PARP8: variants seen among roughly 807,000 people sequenced by gnomAD.
PARP8 encodes protein mono-ADP-ribosyltransferase PARP8.
Under a neutral mutation model 124.1 loss-of-function variants are expected in PARP8, and 51 were observed. That is an observed-to-expected ratio of 0.41 (90% CI 0.33 to 0.52). PARP8 has a LOEUF of 0.52. PARP8 is among the 20% of genes least tolerant of loss of function. The pLI is 0.21. For synonymous variants in PARP8, 391 were observed against 361.5 expected, an observed-to-expected ratio of 1.08 and a Z score of -0.93; for missense variants, 860 against 1,018.9, an observed-to-expected ratio of 0.84 and a Z score of 2.12.
At chr5:50,789,652 A>C (rs1231291460) in intron 10 of PARP8, among the ~76,000 whole-genome samples, 1 of 152,234 alleles carries the variant, frequency 6.6e-6, no homozygotes, top group African/African-American at 2.4e-5. Flanking sequence ...CGCCATGGTC[A>C]GAATATAAAC....
At chr5:50,732,216 C>T (rs574106591) in intron 2 of PARP8, among the ~76,000 whole-genome samples, 42 of 151,932 alleles carry the variant, frequency 2.8e-4, no homozygotes, top group African/African-American at 9.4e-4. Context: ...AAATACAATA[C>T]GATACATAGT....
chr5:50,834,760 A>C (rs1375433898), intron 24 of PARP8, 171 bp from the exon 25 acceptor site: 1 of 655,880 alleles, frequency 1.5e-6, no homozygotes, highest in Non-Finnish European at 2.7e-6. Flanking sequence ...ATGGTCTTTC[A>C]CTGTTTTTAT....
chr5:50,840,701 A>C (rs530365707), intron 25 of PARP8, among the ~76,000 whole-genome samples: 2 of 151,972 alleles, frequency 1.3e-5, no homozygotes, highest in East Asian at 1.9e-4. Flanking sequence ...TTCATGTATA[A>C]AACCATCATT....
chr5:50,678,271 A>G (rs1312346417), intron 2 of PARP8, among the ~76,000 whole-genome samples: 2 of 152,176 alleles, frequency 1.3e-5, no homozygotes, highest in East Asian at 1.9e-4. Flanking sequence ...CATAAAACAT[A>G]TTAAGAATTG....
rs1355662985 is a variant in PARP8 at position 50,694,379 on chromosome 5, GATTATTAATTTGCATTTATTTA to G, written c.146+26258_146+26279del. ...AATTGCATTTATTTGATATTGATTT[GATTATTAATTTGCATTTATTTA>G]ATTTGCATTTATTTGATAGTGAATT... On this transcript the variant is annotated intron_variant, in intron 2 of 25. Transcript: ENST00000281631. Among the ~76,000 whole-genome samples the G allele has an allele frequency of 1.3e-3, 204 of 151,406 alleles. 1 individual carries two copies. Among genetic ancestry groups the G allele is most frequent in the African/African-American group, 4.9e-3 (202 of 40,814 alleles).
In PARP8 at chr5:50,762,368, A is replaced by G. The variant is rs73101068; in HGVS notation, c.423+470A>G. Among the ~76,000 whole-genome samples the G allele has an allele frequency of 1.1e-3, 169 of 152,262 alleles. 2 individuals are homozygous for G. The highest frequency in any genetic ancestry group is 4.0e-3 in the African/African-American group (168 of 41,580). On this transcript the variant is annotated intron_variant, in intron 6 of 25. Transcript: ENST00000281631. ...GAATTCTTGGTGTTGAAAAATTGTT[A>G]TGAAGAATCATCATAATTTAAATAT...
At chr5:50,707,080 A>C (rs1754226756) in intron 2 of PARP8, among the ~76,000 whole-genome samples, 1 of 152,092 alleles carries the variant, frequency 6.6e-6, no homozygotes, top group Non-Finnish European at 1.5e-5. Flanking sequence ...TAGCTCACTA[A>C]ATCAATATGT....
chr5:50,797,971 C>T (rs1415816023), intron 14 of PARP8, among the ~76,000 whole-genome samples: 7 of 152,072 alleles, frequency 4.6e-5, no homozygotes, highest in Admixed American at 6.6e-5. Context: ...TCCCAATTTC[C>T]GCCTCCTGTC....
intron 2 of PARP8, among the ~76,000 whole-genome samples, chr5:50,705,420 G>A (rs1754031693): frequency 6.6e-6 from 1 of 152,162 alleles, no homozygotes; most frequent in Non-Finnish European, 1.5e-5. Flanking sequence ...TATAAACAAT[G>A]TGAAGGTGGT....
rs1456484433 is a variant in PARP8 at position 50,843,194 on chromosome 5, A to T, written c.*1126A>T. 1 of 151,846 alleles carries T rather than the reference A, an allele frequency of 6.6e-6. No individual in the cohort carries two copies. Among genetic ancestry groups the T allele is most frequent in the South Asian group, 2.1e-4 (1 of 4,826 alleles). 9.4% of individuals were successfully genotyped at this position (151,846 alleles called of 1,614,324 possible). A position where few individuals can be genotyped will look rare whatever the true frequency, so the allele number is the denominator to read the frequency against. On this transcript the variant is annotated 3_prime_UTR_variant, in exon 26 of 26. Coordinates refer to ENST00000281631, the MANE Select transcript of PARP8 (RefSeq NM_024615.4). ...TTTCCTTTTCAAGAGTCATAATTTCATCAAAATCATTTCTTATTCTTTGAG... is the reference window on the plus strand; with the variant it reads ...TTTCCTTTTCAAGAGTCATAATTTCTTCAAAATCATTTCTTATTCTTTGAG...
chr5:50,783,478 T>C (rs1287623379), intron 9 of PARP8, among the ~76,000 whole-genome samples: 4 of 152,160 alleles, frequency 2.6e-5, no homozygotes, highest in Non-Finnish European at 4.4e-5. Flanking sequence ...TGCTATAGAT[T>C]TTATTCTCTT....
chr5:50,715,917 C>G (rs940298474), intron 2 of PARP8, among the ~76,000 whole-genome samples: 1 of 151,996 alleles, frequency 6.6e-6, no homozygotes, highest in Non-Finnish European at 1.5e-5. Flanking sequence ...TATATTGGAT[C>G]CTTATTTGAA....
At position 50,735,045 on chromosome 5, in the gene PARP8, G is replaced by A. The variant is rs917880971; in HGVS notation, c.147-15106G>A. Among the ~76,000 whole-genome samples the A allele has an allele frequency of 2.6e-5, 4 of 152,124 alleles. No homozygotes were observed. In the East Asian group the frequency reaches 7.7e-4, roughly 29 times the overall value. ...AGAAATTCATCATGCGCAATGTAGG[G>A]TATGTAGTGACTGGAATAACATTTT... On this transcript the variant is annotated intron_variant, in intron 2 of 25. Transcript: ENST00000281631.
chr5:50,831,825 C>A (rs1163669742), intron 22 of PARP8, among the ~76,000 whole-genome samples: 1 of 152,088 alleles, frequency 6.6e-6, no homozygotes, highest in African/African-American at 2.4e-5. Flanking sequence ...GGAGCACTTA[C>A]CTTTCCTCAA....
At chr5:50,761,077 C>G (rs1304102350) in intron 5 of PARP8, among the ~76,000 whole-genome samples, 1 of 151,922 alleles carries the variant, frequency 6.6e-6, no homozygotes, top group Non-Finnish European at 1.5e-5. Flanking sequence ...TGTTTGTTTT[C>G]CTTAAGAACT....
intron 2 of PARP8, among the ~76,000 whole-genome samples, chr5:50,721,067 C>A (rs1192876549): frequency 6.6e-6 from 1 of 151,516 alleles, no homozygotes; most frequent in Non-Finnish European, 1.5e-5. Flanking sequence ...ATCTAATGAT[C>A]CAATTAAAAT....
At chr5:50,818,176 G>GC (rs60341773) in intron 15 of PARP8, among the ~76,000 whole-genome samples, 2,921 of 105,550 alleles carry the variant, frequency 0.028, 48 homozygotes, top group Non-Finnish European at 0.041. Context: ...ATATCATTTA[G>GC]CCCCCCCCCC....
At chr5:50,737,903 C>A (rs1469919199) in intron 2 of PARP8, among the ~76,000 whole-genome samples, 1 of 152,116 alleles carries the variant, frequency 6.6e-6, no homozygotes, top group Non-Finnish European at 1.5e-5. Context: ...CAAAATATGT[C>A]ATCAAAATAT....
At chr5:50,822,782 C>A (rs897093233) in intron 17 of PARP8, among the ~76,000 whole-genome samples, 4 of 152,152 alleles carry the variant, frequency 2.6e-5, no homozygotes, top group African/African-American at 7.2e-5. Flanking sequence ...TAAAATGGAA[C>A]TTTTCCATAA....
Sources: allele counts gnomAD v4.1 joint callset (sites outside exome capture counted in the v4.1 genomes callset), GRCh38; gene constraint gnomAD v4.1.1; transcripts MANE v1.5; gene names NCBI Gene and HGNC (gene_info 2026-07-23, HGNC 2026-07-21).